The following KTN1 variants were observed in gnomAD, a reference collection of about 807,000 sequenced individuals.
KTN1 encodes the protein kinectin 1, also known as kinectin.
KTN1 carries 130 observed loss-of-function variants against 222.5 expected under a neutral mutation model. That is an observed-to-expected ratio of 0.58 (90% CI 0.51 to 0.68). The LOEUF is 0.68. KTN1 is among the 30% of genes least tolerant of loss of function. The pLI is 0.00. For synonymous variants in KTN1, 512 were observed against 496.3 expected (o/e 1.03, Z -0.42); for missense variants, 1,508 against 1,500.4 (o/e 1.01, Z -0.08).
rs1566788013 is a variant in KTN1, at chr14:55,646,458, CCTTTTCCTTTCCTTT to C, written c.2173-513_2173-499del. On this transcript the variant is annotated intron_variant, in intron 18 of 43. Transcript: ENST00000395314. The stretch of plus-strand genomic sequence containing the variant: ...TTCCTTTCCTTTTCCTTTTCCTTTT[CCTTTTCCTTTCCTTT>C]CCTTTCCTTTCCTTTCCTTTCCTTT... Among the ~76,000 whole-genome samples, 26 of 60,506 alleles carry C rather than the reference CCTTTTCCTTTCCTTT, an allele frequency of 4.3e-4. 1 individual carries two copies. The highest frequency in any genetic ancestry group is 5.3e-4 in the East Asian group (1 of 1,894). 39.7% of individuals were successfully genotyped at this position (60,506 alleles called of 152,430 possible).
intron 1 of KTN1, among the ~76,000 whole-genome samples, chr14:55,596,329 T>C (rs2035032365): frequency 6.6e-6 from 1 of 152,180 alleles, no homozygotes; most frequent in Non-Finnish European, 1.5e-5. Flanking sequence ...TTTTACTTTT[T>C]TCCCCCTAAC....
intron 34 of KTN1, among the ~76,000 whole-genome samples, chr14:55,669,421 A>G (rs191831297): frequency 3.4e-4 from 51 of 152,190 alleles, no homozygotes; most frequent in Non-Finnish European, 5.9e-4. Context: ...AGAGTCTGGC[A>G]TTTTAGGTTT....
chr14:55,657,875 C>T (rs898893839), intron 29 of KTN1, among the ~76,000 whole-genome samples: 4 of 151,976 alleles, frequency 2.6e-5, no homozygotes, highest in Non-Finnish European at 5.9e-5. Context: ...GATCACACCA[C>T]TGCACTCCAG....
intron 22 of KTN1, among the ~76,000 whole-genome samples, chr14:55,650,030 G>T (rs2042786521): frequency 6.6e-6 from 1 of 151,632 alleles, no homozygotes; most frequent in Admixed American, 6.6e-5. Flanking sequence ...ATTTCCAGAG[G>T]ATGGGAGTCA....
chr14:55,661,638 G>T, intron 32 of KTN1, 26 bp downstream of exon 32: 1 of 1,278,468 alleles, frequency 7.8e-7, no homozygotes, highest in Non-Finnish European at 1.1e-6. Context: ...TCAGAATGAA[G>T]CTTTTCTTTT....
intron 10 of KTN1, among the ~76,000 whole-genome samples, 182 bp downstream of exon 10, chr14:55,636,718 A>G (rs2041166088): frequency 3.3e-5 from 5 of 152,132 alleles, no homozygotes; most frequent in Admixed American, 2.6e-4. Context: ...TAAGTTACCT[A>G]CTAGCTTTGC....
In KTN1 at chr14:55,616,551, A is replaced by G; in HGVS notation, c.558A>G (p.Val186=). 1 of 1,602,932 alleles carries G rather than the reference A, an allele frequency of 6.2e-7. No homozygotes were observed. Residue 186 remains valine, a synonymous_variant, in exon 3 of 44, where the codon GTA becomes GTG. Transcript: ENST00000395314. Reference sequence around the variant, plus strand: ...ATAAAAAGGTGGAAACTCTCATGGTACCATCAAAAAGGCAAGAAGCATTGC... The same window carrying G: ...ATAAAAAGGTGGAAACTCTCATGGTGCCATCAAAAAGGCAAGAAGCATTGC... ...DQDKKVETLM[V]PSKRQEALPL... is the part of the protein sequence containing the mutation.
chr14:55,672,623 A>G lies in KTN1; in HGVS notation c.3532-7A>G, dbSNP rs1361681732. On this transcript the variant is annotated splice_region_variant and splice_polypyrimidine_tract_variant and intron_variant, in intron 37 of 43. Coordinates refer to ENST00000395314, the MANE Select transcript of KTN1 (RefSeq NM_001079521.2). Reference sequence around the variant, plus strand: ...TTACTTGGCCATGTAATTGTTTCACATTTCAGATGCAGTCATCATTTACAT... The same window carrying G: ...TTACTTGGCCATGTAATTGTTTCACGTTTCAGATGCAGTCATCATTTACAT... 7 of 1,589,570 alleles carry G rather than the reference A, an allele frequency of 4.4e-6. No individual in the cohort carries two copies. Among genetic ancestry groups the G allele is most frequent in the East Asian group, 2.2e-5 (1 of 44,640 alleles).
At chr14:55,593,828 C>T (rs1385925620) in intron 1 of KTN1, among the ~76,000 whole-genome samples, 2 of 151,982 alleles carry the variant, frequency 1.3e-5, no homozygotes, top group Non-Finnish European at 2.9e-5. Flanking sequence ...CTCTCCTCCC[C>T]TCTCTTTTTT....
intron 35 of KTN1, chr14:55,671,310 G>A (rs2045428268): frequency 9.1e-6 from 4 of 440,276 alleles, no homozygotes; most frequent in South Asian, 4.4e-5. Context: ...TACTTCACAT[G>A]TGGGTCTGCT....
At chr14:55,654,787 A>G (rs1419861819) in intron 28 of KTN1, among the ~76,000 whole-genome samples, 2 of 152,132 alleles carry the variant, frequency 1.3e-5, no homozygotes, top group Non-Finnish European at 2.9e-5. Flanking sequence ...TGTATCTATC[A>G]TTACAGTATC....
chr14:55,658,850 T>G (rs1259482815), intron 30 of KTN1, among the ~76,000 whole-genome samples: 1 of 152,188 alleles, frequency 6.6e-6, no homozygotes, highest in East Asian at 1.9e-4. Flanking sequence ...TGTTTTGTAT[T>G]CATGTGTGTT....
intron 16 of KTN1, 74 bp downstream of exon 16, chr14:55,641,044 C>T: frequency 6.8e-7 from 1 of 1,477,760 alleles, no homozygotes; most frequent in East Asian, 2.3e-5. Flanking sequence ...AATATTGCTG[C>T]TTATAACTGA....
intron 3 of KTN1, 97 bp downstream of exon 3, chr14:55,616,751 T>A: frequency 1.1e-6 from 1 of 895,026 alleles, no homozygotes; most frequent in Non-Finnish European, 1.7e-6. Flanking sequence ...GCTCCCAGTT[T>A]AATGTGTGCT....
chr14:55,623,546 T>C (rs921719488), intron 5 of KTN1, among the ~76,000 whole-genome samples: 1 of 152,196 alleles, frequency 6.6e-6, no homozygotes, highest in African/African-American at 2.4e-5. Context: ...AGTTTTTGTA[T>C]TTTTTGTAGA....
chr14:55,657,397 G>GTTTTTTTTTTTTTTTTTTTTTTT (rs35297700), intron 29 of KTN1, among the ~76,000 whole-genome samples: 7 of 137,670 alleles, frequency 5.1e-5, no homozygotes, highest in African/African-American at 1.6e-4. Context: ...CTGAGTTGAC[G>GTTTTTTTTTTTTTTTTTTTTTTT]TTTTTTTTTT....
At chr14:55,607,416 A>G (rs1325814390) in intron 1 of KTN1, 4 of 151,794 alleles carry the variant, frequency 2.6e-5, no homozygotes, top group Non-Finnish European at 5.9e-5. Context: ...GCCCGTGCAT[A>G]TTCTTCAGGG....
chr14:55,628,525 G>T (rs1401219303), intron 6 of KTN1, among the ~76,000 whole-genome samples: 3 of 152,170 alleles, frequency 2.0e-5, no homozygotes, highest in Non-Finnish European at 4.4e-5. Context: ...AAAACATCAT[G>T]AAACTGAGAG....
chr14:55,580,826 C>G (rs1566634218), intron 1 of KTN1, among the ~76,000 whole-genome samples: 2 of 152,102 alleles, frequency 1.3e-5, no homozygotes, highest in Admixed American at 6.5e-5. Context: ...GTCCCCGGGC[C>G]GGAGCTGGGC....
Sources: allele counts gnomAD v4.1 joint callset (sites outside exome capture counted in the v4.1 genomes callset), GRCh38; gene constraint gnomAD v4.1.1; transcripts MANE v1.5; gene names NCBI Gene and HGNC (gene_info 2026-07-23, HGNC 2026-07-21).